Variants in PDXDC1 observed in about 807,000 individuals in gnomAD.
PDXDC1 encodes pyridoxal-dependent decarboxylase domain-containing protein 1.
A neutral mutation model predicts 100.1 loss-of-function variants in PDXDC1; 42 were observed. The observed-to-expected ratio is 0.42, with a 90% CI of 0.33 to 0.54. The LOEUF is 0.54. Ranked by LOEUF, PDXDC1 falls within the 20% of genes least tolerant of loss-of-function variation. The probability of loss-of-function intolerance (pLI) is 0.10; values close to 1 mark genes in which losing one functional copy is unlikely to be tolerated. For missense variants in PDXDC1, 636 were observed against 979.2 expected, an observed-to-expected ratio of 0.65 and a Z score of 4.68; for synonymous variants, 260 against 371.7, an observed-to-expected ratio of 0.70 and a Z score of 3.46.
At chr16:15,143,866 G>A (rs984099138), downstream of PDXDC1, among the ~76,000 whole-genome samples, 11 of 152,320 alleles carry the variant, frequency 7.2e-5, no homozygotes, top group East Asian at 7.7e-4. Context: ...GGGGCCGGAC[G>A]GAGCCCCCAA....
chr16:15,006,269 G>T, intron 5 of PDXDC1, 125 bp from the exon 6 acceptor site: 1 of 750,618 alleles, frequency 1.3e-6, no homozygotes, highest in Non-Finnish European at 2.1e-6. Context: ...TCACATTCCT[G>T]TCCTCTCTGC....
intron 8 of PDXDC1, among the ~76,000 whole-genome samples, chr16:15,014,684 G>A (rs1351599544): frequency 6.6e-6 from 1 of 152,264 alleles, no homozygotes; most frequent in Non-Finnish European, 1.5e-5. Flanking sequence ...TGTGTTTGTT[G>A]AGGCCGTTGG....
intron 16 of PDXDC1, chr16:15,108,518 A>AG (rs1478711342): frequency 3.9e-5 from 4 of 101,314 alleles, no homozygotes; most frequent in Non-Finnish European, 6.2e-5. Context: ...CAGTGAGGAC[A>AG]TCACTACTCC....
chr16:15,031,867 A>G lies in PDXDC1; in HGVS notation c.1532A>G (p.Tyr511Cys), dbSNP rs2043086375. The G allele has an allele frequency of 6.2e-7, 1 of 1,613,652 alleles. No homozygotes were observed. Among genetic ancestry groups the G allele is most frequent in the African/African-American group, 1.3e-5 (1 of 74,904 alleles). ...QEVEATAGLL[Y>C]VDDPNWSGIG... is the part of the protein sequence containing the mutation. Reference sequence around the variant, plus strand: ...GTGGAAGCAACAGCAGGTCTCCTATATGTTGATGACCCTAACTGGTCTGGA... The same window carrying G: ...GTGGAAGCAACAGCAGGTCTCCTATGTGTTGATGACCCTAACTGGTCTGGA... Residue 511 changes from tyrosine to cysteine, a missense_variant, in exon 17 of 23, where the codon TAT becomes TGT. Tyr to Cys is a radical substitution (Grantham distance 194). Coordinates refer to ENST00000396410, the MANE Select transcript of PDXDC1 (RefSeq NM_015027.4).
chr16:14,975,696 A>G, intron 1 of PDXDC1: 1 of 983,270 alleles, frequency 1.0e-6, no homozygotes, highest in Non-Finnish European at 1.2e-6. Context: ...TTCCAACTTC[A>G]GCCTGAGTGG....
intron 16 of PDXDC1, among the ~76,000 whole-genome samples, chr16:15,055,441 G>A (rs542861745): frequency 6.6e-6 from 1 of 152,194 alleles, no homozygotes; most frequent in Non-Finnish European, 1.5e-5. Context: ...CAGGCCAAAC[G>A]CTCTCCGAAG....
chr16:15,136,140 G>A (rs548438978), intron 16 of PDXDC1: 47 of 1,437,792 alleles, frequency 3.3e-5, no homozygotes, highest in South Asian at 1.2e-4. Context: ...TCCTGGGGGC[G>A]GGTGTGGGAT....
At chr16:14,995,403 T>C (rs1320701889) in intron 1 of PDXDC1, among the ~76,000 whole-genome samples, 2 of 152,300 alleles carry the variant, frequency 1.3e-5, no homozygotes, top group African/African-American at 4.8e-5. Context: ...GATAATCGTA[T>C]GGTTTTTGTT....
rs1357523407 is a variant in PDXDC1, at chr16:15,133,805, G to T, written c.1400-5074G>T. 1.1e-5 allele frequency: 18 copies of T among 1,586,090 alleles called. No homozygotes were observed. The Admixed American group carries it at 3.1e-4, about 27-fold the overall frequency. ...CAGGCCTGTACTCACCCGTGCATTCGAAGTGCACCTTGGTGGTGAGGGCGT... is the reference window on the plus strand; with the variant it reads ...CAGGCCTGTACTCACCCGTGCATTCTAAGTGCACCTTGGTGGTGAGGGCGT... On this transcript the variant is annotated intron_variant, in intron 16 of 16. Transcript: ENST00000535621.
chr16:15,131,720 G>A (rs1193887382), intron 16 of PDXDC1: 32 of 1,434,454 alleles, frequency 2.2e-5, no homozygotes, highest in Middle Eastern at 2.5e-4. Context: ...GCAGACAGAC[G>A]TGAGGTCAGT....
chr16:15,054,722 TACTGAGCGCCAA>T (rs2044433129), intron 16 of PDXDC1, among the ~76,000 whole-genome samples: 1 of 152,162 alleles, frequency 6.6e-6, no homozygotes, highest in Non-Finnish European at 1.5e-5. Flanking sequence ...AGCAAATCTT[TACTGAGCGCCAA>T]TTCTATGCCA....
downstream of PDXDC1, chr16:15,040,477 C>T (rs1416129021): frequency 5.5e-6 from 1 of 181,800 alleles, no homozygotes; most frequent in Admixed American, 5.7e-5. Context: ...GAACAGTGAA[C>T]ACTGTGTACC....
At position 15,009,668 on chromosome 16, in the gene PDXDC1, G is replaced by C. The variant is rs373392777; in HGVS notation, c.649-13G>C. The C allele has an allele frequency of 1.2e-5, 19 of 1,612,540 alleles. No homozygotes were observed. In the African/African-American group the frequency reaches 2.1e-4, roughly 18 times the overall value. On this transcript the variant is annotated splice_polypyrimidine_tract_variant and intron_variant, in intron 7 of 22. Coordinates refer to ENST00000396410, the MANE Select transcript of PDXDC1 (RefSeq NM_015027.4). ...TGGGCACCTCATTTTTTAATGATTT[G>C]TTTTGGTTCCAGGATGTTGCCTTCC... is the stretch of plus-strand genomic sequence containing the variant.
chr16:15,143,955 G>A (rs1253597365), downstream of PDXDC1, among the ~76,000 whole-genome samples: 6 of 152,308 alleles, frequency 3.9e-5, 1 homozygote, highest in African/African-American at 1.4e-4. Context: ...CGCGCTGGCC[G>A]CCTCACTGGA....
intron 3 of PDXDC1, among the ~76,000 whole-genome samples, chr16:15,001,523 A>G (rs1383922161): frequency 6.6e-6 from 1 of 152,290 alleles, no homozygotes; most frequent in African/African-American, 2.4e-5. Context: ...GACTGGTGAC[A>G]TTTATTAAAA....
intron 16 of PDXDC1, among the ~76,000 whole-genome samples, chr16:15,096,728 G>C (rs1598047493): frequency 6.6e-6 from 1 of 152,264 alleles, no homozygotes; most frequent in Non-Finnish European, 1.5e-5. Flanking sequence ...TCTAGCCCAA[G>C]TTAGAGCGCA....
chr16:15,141,029 G>A (rs1317506160), downstream of PDXDC1, among the ~76,000 whole-genome samples: 3 of 150,484 alleles, frequency 2.0e-5, no homozygotes, highest in Non-Finnish European at 2.9e-5. Flanking sequence ...CCATCCCTGA[G>A]CACCCGCCCA....
At chr16:15,080,953 G>A (rs537561855) in intron 16 of PDXDC1, among the ~76,000 whole-genome samples, 44 of 152,014 alleles carry the variant, frequency 2.9e-4, no homozygotes, top group African/African-American at 1.0e-3. Flanking sequence ...TGTTTTTAGG[G>A]TTCAATCATG....
At chr16:15,034,085 G>A in intron 19 of PDXDC1, 1 of 593,198 alleles carries the variant, frequency 1.7e-6, no homozygotes, top group South Asian at 2.1e-5. Flanking sequence ...AAATGAGGCT[G>A]GTCACCAAGG....
Sources: gnomAD v4.1 joint callset for allele counts (sites outside exome capture counted in the v4.1 genomes callset) on GRCh38, gnomAD v4.1.1 for gene constraint, MANE v1.5 for transcripts, NCBI Gene and HGNC (gene_info 2026-07-23, HGNC 2026-07-21) for gene names.